Variants in COL5A2 observed in about 807,000 individuals in gnomAD.
COL5A2 encodes the protein collagen type V alpha 2 chain, also known as collagen alpha-2(V) chain.
COL5A2 carries 23 observed loss-of-function variants against 208.2 expected under a neutral mutation model. The observed-to-expected ratio is 0.11, with a 90% confidence interval of 0.08 to 0.16. The LOEUF (loss-of-function observed/expected upper bound fraction) is 0.16. Among genes scored for constraint, COL5A2 ranks in the 10% least tolerant of loss-of-function variants. The pLI is 1.00. For missense variants in COL5A2, 1,590 were observed against 1,956.4 expected (o/e 0.81, Z 3.53); for synonymous variants, 625 against 628.5 (o/e 0.99, Z 0.08).
At chr2:189,104,358 A>T in intron 2 of COL5A2, 81 bp from the exon 3 acceptor site, 1 of 993,224 alleles carries the variant, frequency 1.0e-6, no homozygotes. Context: ...TTTCAATAAT[A>T]GATTTCTTCT....
the COL5A2 span, among the ~76,000 whole-genome samples, chr2:189,291,203 ATAGT>A: frequency 6.6e-6 from 1 of 152,248 alleles, no homozygotes; most frequent in South Asian, 2.1e-4. Flanking sequence ...CACTTTGGGT[ATAGT>A]TAGTCTTCTC....
chr2:189,067,398 G>T (rs978601507), intron 21 of COL5A2, among the ~76,000 whole-genome samples: 1 of 152,020 alleles, frequency 6.6e-6, no homozygotes, highest in Admixed American at 6.5e-5. Context: ...CACTTTAAGA[G>T]AATTTATCAG....
chr2:189,287,279 A>C, the COL5A2 span, among the ~76,000 whole-genome samples: 1 of 152,108 alleles, frequency 6.6e-6, no homozygotes, highest in Non-Finnish European at 1.5e-5. Flanking sequence ...AAGGTATAAA[A>C]TTTTTTTACA....
chr2:189,187,950 C>T (rs142918834), intron 1 of COL5A2, among the ~76,000 whole-genome samples: 4,510 of 134,520 alleles, frequency 0.034, 84 homozygotes, highest in Admixed American at 0.058. Flanking sequence ...GCCTGGGCAA[C>T]GGAGCGAGAC....
At chr2:189,282,861 C>G in the COL5A2 span, among the ~76,000 whole-genome samples, 18 of 152,168 alleles carry the variant, frequency 1.2e-4, no homozygotes, top group East Asian at 1.9e-3. Flanking sequence ...GCCTCATGAT[C>G]TTTAACACTC....
intron 1 of COL5A2, among the ~76,000 whole-genome samples, chr2:189,111,242 G>A (rs1486996372): frequency 1.3e-5 from 2 of 152,084 alleles, no homozygotes; most frequent in Admixed American, 6.5e-5. Flanking sequence ...ATGTGTGTGT[G>A]TGTGTACACA....
chr2:189,075,909 G>A (rs1686394290), intron 16 of COL5A2, among the ~76,000 whole-genome samples: 1 of 152,152 alleles, frequency 6.6e-6, no homozygotes, highest in Non-Finnish European at 1.5e-5. Flanking sequence ...AATATAACCT[G>A]CTGATGGCTC....
chr2:189,285,730 G>A, the COL5A2 span, among the ~76,000 whole-genome samples: 1 of 152,220 alleles, frequency 6.6e-6, no homozygotes, highest in African/African-American at 2.4e-5. Context: ...TAAAAGGCAA[G>A]TTTTTAAAGA....
the COL5A2 span, among the ~76,000 whole-genome samples, chr2:189,284,621 A>T: frequency 6.6e-6 from 1 of 152,128 alleles, no homozygotes; most frequent in Non-Finnish European, 1.5e-5. Context: ...GGGGATTACA[A>T]TTCAACATGA....
intron 7 of COL5A2, among the ~76,000 whole-genome samples, chr2:189,091,419 A>G (rs1686781981): frequency 6.6e-6 from 1 of 152,190 alleles, no homozygotes; most frequent in Admixed American, 6.5e-5. Flanking sequence ...TTATTTTTTA[A>G]ATTACCATAG....
chr2:189,401,837 T>C, the COL5A2 span, among the ~76,000 whole-genome samples: 1 of 152,220 alleles, frequency 6.6e-6, no homozygotes, highest in African/African-American at 2.4e-5. Context: ...TTGAGCTTTT[T>C]TTCATGTTTG....
At chr2:189,130,382 A>G (rs1011728120) in intron 1 of COL5A2, among the ~76,000 whole-genome samples, 5 of 152,082 alleles carry the variant, frequency 3.3e-5, no homozygotes. Flanking sequence ...GATTTATTTA[A>G]CAATGATTTT....
the COL5A2 span, among the ~76,000 whole-genome samples, chr2:189,384,866 A>G: frequency 6.6e-6 from 1 of 152,228 alleles, no homozygotes; most frequent in Non-Finnish European, 1.5e-5. Context: ...AATCATGTTG[A>G]ATAATATTGA....
chr2:189,097,609 T>C, intron 5 of COL5A2: 1 of 607,002 alleles, frequency 1.6e-6, no homozygotes, highest in South Asian at 1.5e-5. Context: ...GACTAGTAAT[T>C]GCAAATTTTT....
In COL5A2 at chr2:189,068,980, C is replaced by G. The variant is rs972766672; in HGVS notation, c.1159-96G>C. 6.9e-6 allele frequency: 6 copies of G among 875,058 alleles called. No homozygotes were observed. The East Asian group carries it at 1.6e-4, about 23-fold the overall frequency. 54.2% of individuals were successfully genotyped at this position (875,058 alleles called of 1,614,324 possible). A position where few individuals can be genotyped will look rare whatever the true frequency, so the allele number is the denominator to read the frequency against. On this transcript the variant is annotated intron_variant, in intron 18 of 53. Transcript: ENST00000374866. ...TATTTGGAATTTTACATTTGAAACC[C>G]AAATACTGAAAGAGGCCAAAGAGGA...
intron 51 of COL5A2, among the ~76,000 whole-genome samples, chr2:189,038,071 G>A (rs1214062315): frequency 1.3e-5 from 2 of 152,042 alleles, no homozygotes; most frequent in African/African-American, 4.8e-5. Context: ...GGGTACCTGT[G>A]CAGATTTGTT....
rs750731759 is a variant in COL5A2 at position 189,084,054 on chromosome 2, G to A, written c.799-17C>T. 6.2e-7 allele frequency: 1 copy of A among 1,601,956 alleles called. No homozygotes were observed. The highest frequency in any genetic ancestry group is 8.6e-7 in the Non-Finnish European group (1 of 1,169,082). ...AGGTTCACCCTTTATGGAAAAAAAT[G>A]TAGGAGATTGGGAAGGCAAAAGTGA... is the stretch of plus-strand genomic sequence containing the variant. On this transcript the variant is annotated splice_polypyrimidine_tract_variant and intron_variant, in intron 11 of 53. Transcript: ENST00000374866.
chr2:189,159,554 T>C (rs1362239242), intron 1 of COL5A2, among the ~76,000 whole-genome samples: 1 of 152,198 alleles, frequency 6.6e-6, no homozygotes, highest in Non-Finnish European at 1.5e-5. Context: ...TCTTGCACTG[T>C]CACACAGCCT....
At chr2:189,081,610 GA>G (rs57321393) in intron 12 of COL5A2, among the ~76,000 whole-genome samples, 21,559 of 151,964 alleles carry the variant, frequency 0.14, 1,488 homozygotes, top group South Asian at 0.19. Context: ...AAATTGTTTA[GA>G]AAAAAACTTT....
Sources: gnomAD v4.1 joint callset for allele counts (sites outside exome capture counted in the v4.1 genomes callset) on GRCh38, gnomAD v4.1.1 for gene constraint, MANE v1.5 for transcripts, NCBI Gene and HGNC (gene_info 2026-07-23, HGNC 2026-07-21) for gene names.